The following PIWIL2 variants were observed in gnomAD, a reference collection of about 807,000 sequenced individuals.
PIWIL2 encodes the protein piwi-like protein 2.
A neutral mutation model predicts 116.5 loss-of-function variants in PIWIL2; 81 were observed. The observed-to-expected ratio is 0.70, with a 90% CI of 0.58 to 0.84. The LOEUF is 0.84. Ranked by LOEUF, PIWIL2 falls within the 40% of genes least tolerant of loss-of-function variation. PIWIL2 has a pLI of 0.00. For synonymous variants in PIWIL2, 489 were observed against 429.5 expected (o/e 1.14, Z -1.71); for missense variants, 1,272 against 1,212.3 (o/e 1.05, Z -0.73).
chr8:22,342,654 C>G (rs1243715639), intron 20 of PIWIL2, among the ~76,000 whole-genome samples: 2 of 152,066 alleles, frequency 1.3e-5, no homozygotes, highest in East Asian at 3.8e-4. Context: ...ATGCAAAACT[C>G]TAAAACTTAC....
At chr8:22,318,320 TTTA>T (rs761843411) in intron 20 of PIWIL2, 45 bp downstream of exon 20, 6 of 1,150,718 alleles carry the variant, frequency 5.2e-6, no homozygotes, top group Non-Finnish European at 6.4e-6. Flanking sequence ...TTTTTGTTTT[TTTA>T]TTTTTTTTTT....
At chr8:22,353,918 G>A (rs1308064397) in intron 21 of PIWIL2, among the ~76,000 whole-genome samples, 1 of 151,880 alleles carries the variant, frequency 6.6e-6, no homozygotes, top group African/African-American at 2.4e-5. Context: ...TGGGACAATA[G>A]GCGTATGCCA....
intron 20 of PIWIL2, among the ~76,000 whole-genome samples, chr8:22,326,098 C>G (rs1831718587): frequency 6.6e-6 from 1 of 152,094 alleles, no homozygotes; most frequent in African/African-American, 2.4e-5. Flanking sequence ...TTCATGGAGC[C>G]AGATGGACTT....
chr8:22,311,078 GT>G (rs1237417048), intron 15 of PIWIL2, 33 bp from the exon 16 acceptor site: 2 of 1,533,714 alleles, frequency 1.3e-6, no homozygotes, highest in African/African-American at 2.8e-5. Context: ...TATTTAAATT[GT>G]GAGAAATACT....
At chr8:22,320,998 T>G (rs1196056166) in intron 20 of PIWIL2, among the ~76,000 whole-genome samples, 2 of 152,238 alleles carry the variant, frequency 1.3e-5, no homozygotes, top group Non-Finnish European at 2.9e-5. Context: ...TGATTTACGT[T>G]GAATTTCTAG....
intron 20 of PIWIL2, among the ~76,000 whole-genome samples, chr8:22,325,851 TAGTA>T (rs1831712980): frequency 6.6e-6 from 1 of 152,140 alleles, no homozygotes; most frequent in African/African-American, 2.4e-5. Flanking sequence ...ATCCAGTCTG[TAGTA>T]AGTAAGTGTC....
chr8:22,290,966 G>GTATATATATATATATATATA (rs1187699809), intron 10 of PIWIL2, among the ~76,000 whole-genome samples: 1 of 148,466 alleles, frequency 6.7e-6, no homozygotes. Context: ...ATACAGATGT[G>GTATATATATATATATATATA]TATATATATT....
chr8:22,278,209 A>G (rs904455836), intron 1 of PIWIL2, among the ~76,000 whole-genome samples: 3 of 151,800 alleles, frequency 2.0e-5, no homozygotes, highest in Admixed American at 1.3e-4. Context: ...TTTATAAACC[A>G]AAGTCATCCT....
Position 22,356,349 on chromosome 8 carries a change from T to C in PIWIL2, c.*844T>C, listed in dbSNP as rs1832490561. 1 of 152,178 alleles carries C rather than the reference T, an allele frequency of 6.6e-6. No homozygotes were observed. The highest frequency in any genetic ancestry group is 6.5e-5 in the Admixed American group (1 of 15,270). 9.4% of individuals were successfully genotyped at this position (152,178 alleles called of 1,614,324 possible). A position where few individuals can be genotyped will look rare whatever the true frequency, so the allele number is the denominator to read the frequency against. Reference sequence around the variant, plus strand: ...AGGTCGGCCCTTGCTGACTAAATCCTCTCTGGGGATTGAATTGATGACGAC... The same window carrying C: ...AGGTCGGCCCTTGCTGACTAAATCCCCTCTGGGGATTGAATTGATGACGAC... On this transcript the variant is annotated 3_prime_UTR_variant, in exon 23 of 23. Coordinates refer to ENST00000356766, the MANE Select transcript of PIWIL2 (RefSeq NM_018068.5).
At chr8:22,345,884 C>T (rs75926418) in intron 20 of PIWIL2, among the ~76,000 whole-genome samples, 9,235 of 152,126 alleles carry the variant, frequency 0.061, 372 homozygotes, top group Admixed American at 0.092. Flanking sequence ...ATAGTCCAAC[C>T]CATGGAGACA....
chr8:22,337,820 C>T (rs992692834), intron 20 of PIWIL2, among the ~76,000 whole-genome samples: 2 of 152,016 alleles, frequency 1.3e-5, no homozygotes, highest in African/African-American at 4.8e-5. Context: ...CTAGGCCAGG[C>T]GCAGTGACTC....
At chr8:22,298,341 A>T (rs1830963446) in intron 10 of PIWIL2, among the ~76,000 whole-genome samples, 1 of 152,136 alleles carries the variant, frequency 6.6e-6, no homozygotes, top group Non-Finnish European at 1.5e-5. Context: ...TCACACAAAG[A>T]TCTAGGTCTG....
intron 20 of PIWIL2, among the ~76,000 whole-genome samples, chr8:22,345,001 C>T (rs974218932): frequency 2.0e-5 from 3 of 152,166 alleles, no homozygotes; most frequent in African/African-American, 4.8e-5. Flanking sequence ...CTTTGGAAAA[C>T]AGTTGGGCAG....
intron 20 of PIWIL2, among the ~76,000 whole-genome samples, chr8:22,319,850 T>G (rs1831553081): frequency 6.6e-6 from 1 of 152,170 alleles, no homozygotes; most frequent in African/African-American, 2.4e-5. Flanking sequence ...ATTCTAATTG[T>G]CCAAGGAGTC....
rs1831778503 is a variant in PIWIL2 at position 22,328,479 on chromosome 8, G to A, written c.2403+10204G>A. ...TTTGTTTCTGCAAAAAAAGGCCATT[G>A]AAACTTTCATAGGGATTGTATTGAA... is the stretch of plus-strand genomic sequence containing the variant. On this transcript the variant is annotated intron_variant, in intron 20 of 22. Coordinates refer to ENST00000356766, the MANE Select transcript of PIWIL2 (RefSeq NM_018068.5). 2.0e-5 allele frequency among the ~76,000 whole-genome samples: 3 copies of A among 152,136 alleles called. No homozygotes were observed. The South Asian group carries it at 6.2e-4, about 31-fold the overall frequency.
intron 20 of PIWIL2, among the ~76,000 whole-genome samples, chr8:22,351,297 AAC>A (rs1193505957): frequency 6.6e-6 from 1 of 151,080 alleles, no homozygotes; most frequent in Non-Finnish European, 1.5e-5. Context: ...TAACCTGAGC[AAC>A]AGAGTGAGAC....
At position 22,278,851 on chromosome 8, in the gene PIWIL2, C is replaced by G. The variant is rs111913541; in HGVS notation, c.-46-490C>G. ...CTTGTGAACTTCGCATTGGAGGGAT[C>G]TAGGTTGCATCCTCCTTATGAGAAT... is the stretch of plus-strand genomic sequence containing the variant. On this transcript the variant is annotated intron_variant, in intron 1 of 22. Coordinates refer to ENST00000356766, the MANE Select transcript of PIWIL2 (RefSeq NM_018068.5). Among the ~76,000 whole-genome samples the G allele has an allele frequency of 4.5e-3, 678 of 152,296 alleles. 5 individuals carry two copies. The highest frequency in any genetic ancestry group is 0.015 in the African/African-American group (612 of 41,566).
At chr8:22,335,347 G>A (rs1157608134) in intron 20 of PIWIL2, among the ~76,000 whole-genome samples, 2 of 152,050 alleles carry the variant, frequency 1.3e-5, no homozygotes, top group African/African-American at 2.4e-5. Context: ...TGTGGTAGAC[G>A]TGGTGGTCAT....
chr8:22,289,515 A>G (rs1407568030), intron 8 of PIWIL2, among the ~76,000 whole-genome samples: 1 of 152,112 alleles, frequency 6.6e-6, no homozygotes, highest in Non-Finnish European at 1.5e-5. Context: ...CCTTTGCCAC[A>G]CTGTTATTCA....
Sources: allele counts gnomAD v4.1 joint callset (sites outside exome capture counted in the v4.1 genomes callset), GRCh38; gene constraint gnomAD v4.1.1; transcripts MANE v1.5; gene names NCBI Gene and HGNC (gene_info 2026-07-23, HGNC 2026-07-21).